DLG2: variants seen among roughly 807,000 people sequenced by gnomAD.
DLG2 encodes discs large MAGUK scaffold protein 2.
DLG2 carries 45 observed loss-of-function variants against 132.5 expected under a neutral mutation model. The observed-to-expected ratio is 0.34, with a 90% CI of 0.27 to 0.44. The LOEUF (loss-of-function observed/expected upper bound fraction) is 0.44, where lower values mean the gene tolerates loss of function less well. Among genes scored for constraint, DLG2 ranks in the 20% least tolerant of loss-of-function variants. The pLI, the probability that DLG2 is intolerant of heterozygous loss-of-function variation, is 1.00. For synonymous variants in DLG2, 424 were observed against 419.6 expected (o/e 1.01, Z -0.13); for missense variants, 1,045 against 1,196.9 (o/e 0.87, Z 1.87).
intron 21 of DLG2, among the ~76,000 whole-genome samples, chr11:83,500,349 G>A (rs2094401590): frequency 6.6e-6 from 1 of 152,092 alleles, no homozygotes; most frequent in African/African-American, 2.4e-5. Flanking sequence ...GGCAGACTAG[G>A]TTTAGTATTA....
chr11:84,908,085 G>T (rs1324850021), intron 6 of DLG2, among the ~76,000 whole-genome samples: 1 of 151,796 alleles, frequency 6.6e-6, no homozygotes, highest in Non-Finnish European at 1.5e-5. Context: ...TCCATCCATG[G>T]AAAGAACGAG....
intron 15 of DLG2, among the ~76,000 whole-genome samples, chr11:83,895,145 CTTTTT>C (rs11287512): frequency 1.1e-5 from 1 of 87,902 alleles, no homozygotes; most frequent in Non-Finnish European, 2.1e-5. Flanking sequence ...GAACTACTGT[CTTTTT>C]TTTTTTTTTT....
chr11:83,470,426 G>T (rs11233627), intron 24 of DLG2, among the ~76,000 whole-genome samples: 1 of 152,110 alleles, frequency 6.6e-6, no homozygotes. Flanking sequence ...TTTCTTTTTA[G>T]TGTTTTTGAA....
At chr11:84,711,202 C>T (rs1006672576) in intron 6 of DLG2, among the ~76,000 whole-genome samples, 4 of 151,300 alleles carry the variant, frequency 2.6e-5, no homozygotes, top group South Asian at 2.1e-4. Context: ...GATCTGATTG[C>T]GTTTATGATT....
chr11:84,556,605 G>T (rs1160780905), intron 6 of DLG2, among the ~76,000 whole-genome samples: 1 of 152,194 alleles, frequency 6.6e-6, no homozygotes, highest in East Asian at 1.9e-4. Context: ...ATTCGAAGCT[G>T]TCCTGGGCCA....
At chr11:84,293,695 A>G (rs2098042813) in intron 7 of DLG2, among the ~76,000 whole-genome samples, 1 of 152,162 alleles carries the variant, frequency 6.6e-6, no homozygotes, top group African/African-American at 2.4e-5. Context: ...AATAAATAAA[A>G]ATAAAGATAT....
chr11:84,278,648 T>C (rs776696956), intron 7 of DLG2, among the ~76,000 whole-genome samples: 71 of 152,168 alleles, frequency 4.7e-4, no homozygotes, highest in Admixed American at 9.2e-4. Context: ...AAGTAGGCTT[T>C]ATCCTGGGAA....
chr11:84,714,657 C>CTCTCTCTCTCTCTCTCTCTCTCTT (rs1565751150), intron 6 of DLG2, among the ~76,000 whole-genome samples: 56 of 143,500 alleles, frequency 3.9e-4, no homozygotes, highest in African/African-American at 1.4e-3. Flanking sequence ...TTCTCTCTCT[C>CTCTCTCTCTCTCTCTCTCTCTCTT]TCTCTCTCTC....
intron 7 of DLG2, among the ~76,000 whole-genome samples, chr11:84,334,339 G>A (rs1442427091): frequency 6.6e-6 from 1 of 152,118 alleles, no homozygotes; most frequent in Admixed American, 6.5e-5. Context: ...AAGTTTGGAG[G>A]TTTTAGGGGA....
chr11:85,576,034 T>G lies in DLG2; in HGVS notation c.40+22623A>C, dbSNP rs140384904. The stretch of plus-strand genomic sequence containing the variant: ...TTTTTAATGATAGTTTTACATTTGT[T>G]GAGACAGCTGAGATTCAGTCAAGAA... On this transcript the variant is annotated intron_variant, in intron 3 of 27. Coordinates refer to ENST00000376104, the MANE Select transcript of DLG2 (RefSeq NM_001142699.3). 2.5e-3 allele frequency among the ~76,000 whole-genome samples: 384 copies of G among 152,336 alleles called. 1 individual carries two copies. The highest frequency in any genetic ancestry group is 8.8e-3 in the African/African-American group (366 of 41,596).
chr11:84,463,860 C>T (rs1354733947), intron 7 of DLG2, among the ~76,000 whole-genome samples: 1 of 151,094 alleles, frequency 6.6e-6, no homozygotes, highest in East Asian at 2.0e-4. Context: ...CAGACTTGAT[C>T]GACCTATTAT....
chr11:84,180,841 A>G (rs910355283), intron 8 of DLG2, among the ~76,000 whole-genome samples: 8 of 152,208 alleles, frequency 5.3e-5, no homozygotes, highest in Admixed American at 3.3e-4. Flanking sequence ...AGAATGAAAA[A>G]GAAAAGACTT....
chr11:84,882,572 G>T (rs954725842), intron 6 of DLG2, among the ~76,000 whole-genome samples: 1 of 152,036 alleles, frequency 6.6e-6, no homozygotes, highest in Non-Finnish European at 1.5e-5. Flanking sequence ...ATGGAGATAA[G>T]AGAAATATCT....
chr11:85,448,649 T>C lies in DLG2; in HGVS notation c.40+150008A>G, dbSNP rs576985095. Among the ~76,000 whole-genome samples, 368 of 152,282 alleles carry C rather than the reference T, an allele frequency of 2.4e-3. 2 individuals carry two copies. Among genetic ancestry groups the C allele is most frequent in the Non-Finnish European group, 4.6e-3 (316 of 67,986 alleles). On this transcript the variant is annotated intron_variant, in intron 3 of 27. Coordinates refer to ENST00000376104, the MANE Select transcript of DLG2 (RefSeq NM_001142699.3). ...CAGTAAAAATGAAATATCCCACTCT[T>C]GTCTGGAGATTCTAAGTCACTTTGA...
At chr11:83,490,204 C>T (rs1271876942) in intron 21 of DLG2, among the ~76,000 whole-genome samples, 2 of 149,518 alleles carry the variant, frequency 1.3e-5, no homozygotes, top group Admixed American at 6.7e-5. Context: ...TAAATATAAA[C>T]ATGACACCAA....
At chr11:84,907,515 T>A (rs1431968497) in intron 6 of DLG2, among the ~76,000 whole-genome samples, 1 of 152,076 alleles carries the variant, frequency 6.6e-6, no homozygotes, top group East Asian at 1.9e-4. Flanking sequence ...CACCTTGAAT[T>A]AAGGAGTTTA....
intron 19 of DLG2, among the ~76,000 whole-genome samples, chr11:83,595,139 AC>A (rs71463173): frequency 6.6e-6 from 1 of 150,682 alleles, no homozygotes; most frequent in Non-Finnish European, 1.5e-5. Flanking sequence ...GGAAAAAAAA[AC>A]CACTTCTTTC....
rs201731957 is a variant in DLG2 at position 83,480,602 on chromosome 11, C to T, written c.2293+3527G>A. 35 of 1,556,212 alleles carry T rather than the reference C, an allele frequency of 2.2e-5. 1 individual carries two copies. In the South Asian group the frequency reaches 3.4e-4, roughly 15 times the overall value. ...AAACTTTATCTCCATTTTACAGGAA[C>T]CCGCTGCTTGATTGCTGTTTCTTCT... is the stretch of plus-strand genomic sequence containing the variant. On this transcript the variant is annotated intron_variant, in intron 22 of 27. Coordinates refer to ENST00000376104, the MANE Select transcript of DLG2 (RefSeq NM_001142699.3).
intron 19 of DLG2, among the ~76,000 whole-genome samples, chr11:83,580,735 G>C (rs2096955927): frequency 6.6e-6 from 1 of 151,890 alleles, no homozygotes; most frequent in South Asian, 2.1e-4. Context: ...ACATAAACCT[G>C]CACCCTGGTT....
Sources: allele counts gnomAD v4.1 joint callset (sites outside exome capture counted in the v4.1 genomes callset), GRCh38; gene constraint gnomAD v4.1.1; transcripts MANE v1.5; gene names NCBI Gene and HGNC (gene_info 2026-07-23, HGNC 2026-07-21).